Variants in SLC16A9 observed in about 807,000 individuals in gnomAD.
SLC16A9 encodes monocarboxylate transporter 9.
In SLC16A9, 26 loss-of-function variants were observed where a neutral mutation model predicts 44.3. The ratio of observed to expected loss-of-function variants is 0.59; its 90% CI spans 0.43 to 0.81. The LOEUF is 0.81. SLC16A9 is among the 40% of genes least tolerant of loss of function. The pLI, the probability that SLC16A9 is intolerant of heterozygous loss-of-function variation, is 0.00. For missense variants in SLC16A9, 559 were observed against 595.8 expected, an observed-to-expected ratio of 0.94 and a Z score of 0.64; for synonymous variants, 230 against 225.1, an observed-to-expected ratio of 1.02 and a Z score of -0.19.
intron 1 of SLC16A9, among the ~76,000 whole-genome samples, chr10:59,684,691 A>C (rs544211185): frequency 7.2e-4 from 109 of 152,264 alleles, no homozygotes; most frequent in African/African-American, 2.6e-3. Context: ...TCCTAGCAAG[A>C]AGTAGACTGA....
chr10:59,678,020 A>G lies in SLC16A9; in HGVS notation c.197-5107T>C, dbSNP rs376000738. On this transcript the variant is annotated intron_variant, in intron 2 of 5. Transcript: ENST00000395348. ...CCTCTAGCATTAGGTATATCTCCCA[A>G]TGCTATCCCTCCCCCCTCCCCCCAC... 2.4e-4 allele frequency among the ~76,000 whole-genome samples: 35 copies of G among 145,408 alleles called. No homozygotes were observed. The East Asian group carries it at 3.0e-3, about 12-fold the overall frequency.
intron 1 of SLC16A9, among the ~76,000 whole-genome samples, chr10:59,700,599 A>T (rs1214768033): frequency 6.6e-6 from 1 of 152,244 alleles, no homozygotes; most frequent in Non-Finnish European, 1.5e-5. Flanking sequence ...CATGAAGCAC[A>T]GGCACGGAGC....
chr10:59,677,000 C>A lies in SLC16A9; in HGVS notation c.197-4087G>T, dbSNP rs530766104. Reference sequence around the variant, plus strand: ...AGAGAAGAAGAAATGTTTAAATAAGCTAATAGTGAGAAGGATGTAATTTTG... The same window carrying A: ...AGAGAAGAAGAAATGTTTAAATAAGATAATAGTGAGAAGGATGTAATTTTG... On this transcript the variant is annotated intron_variant, in intron 2 of 5. Coordinates refer to ENST00000395348, the MANE Select transcript of SLC16A9 (RefSeq NM_194298.3). Among the ~76,000 whole-genome samples, 236 of 141,074 alleles carry A rather than the reference C, an allele frequency of 1.7e-3. 4 individuals are homozygous for A. The highest frequency in any genetic ancestry group is 1.4e-4 in the Non-Finnish European group (9 of 63,594). The allele number at this position is 141,074 out of a possible 152,430, so 92.6% of individuals were successfully genotyped here. A position where few individuals can be genotyped will look rare whatever the true frequency, so the allele number is the denominator to read the frequency against.
At chr10:59,696,842 GAGA>G (rs1444252449) in intron 1 of SLC16A9, among the ~76,000 whole-genome samples, 7 of 151,636 alleles carry the variant, frequency 4.6e-5, no homozygotes, top group Non-Finnish European at 8.8e-5. Flanking sequence ...CACACCGTCT[GAGA>G]AGCGAGGAGC....
intron 4 of SLC16A9, among the ~76,000 whole-genome samples, 182 bp downstream of exon 4, chr10:59,664,045 A>AAG (rs1564698408): frequency 2.6e-5 from 4 of 151,046 alleles, no homozygotes; most frequent in African/African-American, 7.3e-5. Flanking sequence ...AAAAAAAAAA[A>AAG]AAAGAAAGCT....
At chr10:59,681,620 ATATGATGTATATGTATATGTGTATGTG>A (rs1840003221) in intron 2 of SLC16A9, among the ~76,000 whole-genome samples, 1 of 68,410 alleles carries the variant, frequency 1.5e-5, no homozygotes, top group African/African-American at 5.1e-5. Context: ...ATGTATATGT[ATATGATGTATATGTATATGTGTATGTG>A]TATGTATATG....
At chr10:59,702,030 T>G (rs903468353) in intron 1 of SLC16A9, among the ~76,000 whole-genome samples, 5 of 152,242 alleles carry the variant, frequency 3.3e-5, no homozygotes, top group Non-Finnish European at 5.9e-5. Context: ...CACTAAGAAT[T>G]ATGATTGGCA....
chr10:59,698,110 G>T (rs1416520041), intron 1 of SLC16A9, among the ~76,000 whole-genome samples: 1 of 152,130 alleles, frequency 6.6e-6, no homozygotes, highest in African/African-American at 2.4e-5. Context: ...CTAAGGAGTA[G>T]TTACTGGTTA....
chr10:59,691,612 T>C (rs1840254260), intron 1 of SLC16A9, among the ~76,000 whole-genome samples: 1 of 152,214 alleles, frequency 6.6e-6, no homozygotes, highest in Non-Finnish European at 1.5e-5. Flanking sequence ...GTATATCTCC[T>C]AAAGCCAGAA....
chr10:59,664,253 C>G lies in SLC16A9; in HGVS notation c.410G>C (p.Gly137Ala). The change falls in exon 4 of 6, where the codon GGC (glycine) becomes GCC (alanine). Residue 137 changes from glycine to alanine, a missense_variant. Transcript: ENST00000395348. ...TGTTGAAATCAGGCCAAGCGCTAGG[C>G]CTCGGCGATCGTCAAAATACTGGCA... ...ITCQYFDDRRGLALGLISTGS... is the reference protein window; with the variant it reads ...ITCQYFDDRRALALGLISTGS... The G allele has an allele frequency of 6.2e-7, 1 of 1,612,120 alleles. No homozygotes were observed. The highest frequency in any genetic ancestry group is 8.5e-7 in the Non-Finnish European group (1 of 1,178,824).
At chr10:59,676,720 C>T (rs938078028) in intron 2 of SLC16A9, among the ~76,000 whole-genome samples, 1 of 152,036 alleles carries the variant, frequency 6.6e-6, no homozygotes, top group African/African-American at 2.4e-5. Context: ...GTCAGGAGTT[C>T]AAGACCAGGT....
intron 1 of SLC16A9, among the ~76,000 whole-genome samples, chr10:59,686,756 A>G (rs1057274964): frequency 6.6e-6 from 1 of 152,160 alleles, no homozygotes; most frequent in Admixed American, 6.5e-5. Flanking sequence ...ATCTCCTTAT[A>G]TGTCTTAAAT....
intron 4 of SLC16A9, among the ~76,000 whole-genome samples, chr10:59,659,596 C>A (rs1049745858): frequency 6.6e-6 from 1 of 152,024 alleles, no homozygotes; most frequent in Non-Finnish European, 1.5e-5. Flanking sequence ...ATCAATGAGA[C>A]AGAAAATTAA....
intron 2 of SLC16A9, among the ~76,000 whole-genome samples, chr10:59,680,722 T>G (rs929116136): frequency 6.6e-6 from 1 of 152,122 alleles, no homozygotes; most frequent in Non-Finnish European, 1.5e-5. Flanking sequence ...AGCTTATGCC[T>G]GTAATCCCAA....
At position 59,652,728 on chromosome 10, in the gene SLC16A9, C is replaced by T; in HGVS notation, c.*44G>A. On this transcript the variant is annotated 3_prime_UTR_variant, in exon 6 of 6. Coordinates refer to ENST00000395348, the MANE Select transcript of SLC16A9 (RefSeq NM_194298.3). ...TTGAGAATCTGTTAAAATATCGTTGCTATATGGTATAAAATAGCAAAAATA... is the reference window on the plus strand; with the variant it reads ...TTGAGAATCTGTTAAAATATCGTTGTTATATGGTATAAAATAGCAAAAATA... 1.3e-6 allele frequency: 2 copies of T among 1,526,682 alleles called. No individual in the cohort carries two copies. Among genetic ancestry groups the T allele is most frequent in the Non-Finnish European group, 1.8e-6 (2 of 1,133,542 alleles). 94.6% of individuals were successfully genotyped at this position (1,526,682 alleles called of 1,614,324 possible).
At chr10:59,665,154 C>T (rs1726268698) in intron 3 of SLC16A9, among the ~76,000 whole-genome samples, 2 of 152,138 alleles carry the variant, frequency 1.3e-5, no homozygotes, top group Non-Finnish European at 2.9e-5. Context: ...ATATTTTCTT[C>T]CCTTTTAAGA....
chr10:59,653,996 G>A lies in SLC16A9; in HGVS notation c.1030C>T (p.Pro344Ser), dbSNP rs751086196. The A allele has an allele frequency of 1.9e-6, 3 of 1,613,640 alleles. No homozygotes were observed. In the African/African-American group the frequency reaches 4.0e-5, roughly 22 times the overall value. Residue 344 changes from proline (P) to serine (S), a missense_variant, in exon 5 of 6, where the codon CCA becomes TCA. Pro to Ser is a moderately conservative substitution (Grantham distance 74, BLOSUM62 -1). Coordinates refer to ENST00000395348, the MANE Select transcript of SLC16A9 (RefSeq NM_194298.3). ...SNVKEEEFIM[P>S]LISIIGIMTA... is the part of the protein sequence containing the mutation. ...ATAATGCCTATAATGGAAATAAGTG[G>A]CATAATAAACTCTTCTTCTTTCACG...
intron 1 of SLC16A9, among the ~76,000 whole-genome samples, chr10:59,696,899 T>C (rs1248042072): frequency 6.9e-6 from 1 of 144,324 alleles, no homozygotes; most frequent in Non-Finnish European, 1.5e-5. Flanking sequence ...GAGGAGCGTC[T>C]CCGCCCGACA....
At chr10:59,678,963 A>C (rs1022160617) in intron 2 of SLC16A9, among the ~76,000 whole-genome samples, 6 of 152,174 alleles carry the variant, frequency 3.9e-5, no homozygotes, top group Non-Finnish European at 5.9e-5. Flanking sequence ...GCCCAAACCC[A>C]GCTCTGCCAG....
Sources: allele counts gnomAD v4.1 joint callset (sites outside exome capture counted in the v4.1 genomes callset), GRCh38; gene constraint gnomAD v4.1.1; transcripts MANE v1.5; gene names NCBI Gene and HGNC (gene_info 2026-07-23, HGNC 2026-07-21).